TNFAIP8L3: variants seen among roughly 807,000 people sequenced by gnomAD.
The protein encoded by TNFAIP8L3 is TNF alpha induced protein 8 like 3.
A neutral mutation model predicts 11.8 loss-of-function variants in TNFAIP8L3; 7 were observed. The ratio of observed to expected loss-of-function variants is 0.59; its 90% confidence interval spans 0.34 to 1.11. TNFAIP8L3 has a LOEUF of 1.11. Ranked by LOEUF, TNFAIP8L3 falls within the 50% of genes most tolerant of loss-of-function variation. The pLI is 0.03. For missense variants in TNFAIP8L3, 219 were observed against 258.6 expected (o/e 0.85, Z 1.05); for synonymous variants, 98 against 103.8 (o/e 0.94, Z 0.34).
At chr15:51,079,886 A>C (rs1386485695) in intron 1 of TNFAIP8L3, among the ~76,000 whole-genome samples, 1 of 151,504 alleles carries the variant, frequency 6.6e-6, no homozygotes. Flanking sequence ...AAAAGAAAGA[A>C]AGAAAAAAAA....
intron 1 of TNFAIP8L3, among the ~76,000 whole-genome samples, chr15:51,077,705 G>A (rs1374556417): frequency 6.6e-6 from 1 of 152,206 alleles, no homozygotes; most frequent in African/African-American, 2.4e-5. Context: ...ACCCTTGTCT[G>A]CCCTCCCTTC....
At position 51,057,750 on chromosome 15, in the gene TNFAIP8L3, A is replaced by G. The variant is rs2065215342; in HGVS notation, c.*131T>C. On this transcript the variant is annotated 3_prime_UTR_variant, in exon 2 of 2. Coordinates refer to ENST00000637513, the MANE Select transcript of TNFAIP8L3 (RefSeq NM_001311175.2). ...AGCTCAGTTCAGCATCAGAATCAGC[A>G]TCAGAGGGATGAACAGGAAAGAACA... is the stretch of plus-strand genomic sequence containing the variant. 2 of 783,220 alleles carry G rather than the reference A, an allele frequency of 2.6e-6. No homozygotes were observed. Among genetic ancestry groups the G allele is most frequent in the Non-Finnish European group, 4.0e-6 (2 of 499,886 alleles). 48.5% of individuals were successfully genotyped at this position (783,220 alleles called of 1,614,324 possible). A position where few individuals can be genotyped will look rare whatever the true frequency, so the allele number is the denominator to read the frequency against.
Position 51,058,440 on chromosome 15 carries a change from G to C in TNFAIP8L3, c.56C>G (p.Pro19Arg), listed in dbSNP as rs761113349. The change falls in exon 2 of 2, where the codon CCT becomes CGT. Residue 19 changes from proline to arginine, a missense_variant. Transcript: ENST00000637513. ...SEGEPVTAAG[P>R]DVFSSKSLAL... ...AAGACTCTTTGAACTAAAAACATCAGGACCTATGGTAAAAAAAATATATAT... is the reference window on the plus strand; with the variant it reads ...AAGACTCTTTGAACTAAAAACATCACGACCTATGGTAAAAAAAATATATAT... The C allele has an allele frequency of 6.9e-7, 1 of 1,450,236 alleles. No individual in the cohort carries two copies. Among genetic ancestry groups the C allele is most frequent in the Non-Finnish European group, 9.0e-7 (1 of 1,115,224 alleles). 89.8% of individuals were successfully genotyped at this position (1,450,236 alleles called of 1,614,324 possible). A position where few individuals can be genotyped will look rare whatever the true frequency, so the allele number is the denominator to read the frequency against.
In TNFAIP8L3 at chr15:51,086,279, G is replaced by A. The variant is rs1017127870; in HGVS notation, c.52+8265C>T. On this transcript the variant is annotated intron_variant, in intron 1 of 1. Coordinates refer to ENST00000637513, the MANE Select transcript of TNFAIP8L3 (RefSeq NM_001311175.2). Reference sequence around the variant, plus strand: ...GCCCACGGCTGGAGCGTCCTTCTAGGGCCTTCTGCCTAGCAGTGGCTTTGT... The same window carrying A: ...GCCCACGGCTGGAGCGTCCTTCTAGAGCCTTCTGCCTAGCAGTGGCTTTGT... Among the ~76,000 whole-genome samples, 8 of 152,154 alleles carry A rather than the reference G, an allele frequency of 5.3e-5. No individual in the cohort carries two copies. In the South Asian group the frequency reaches 6.2e-4, roughly 12 times the overall value.
chr15:51,103,979 G>A (rs548067932), intron 1 of TNFAIP8L3, among the ~76,000 whole-genome samples: 7 of 152,256 alleles, frequency 4.6e-5, no homozygotes, highest in Admixed American at 2.6e-4. Flanking sequence ...ACTTCCCAAC[G>A]TGCTCTCCTC....
upstream of TNFAIP8L3, among the ~76,000 whole-genome samples, chr15:51,097,688 T>C (rs1478976004): frequency 6.6e-6 from 1 of 152,222 alleles, no homozygotes; most frequent in East Asian, 1.9e-4. Context: ...GTGAGTTTAA[T>C]GAGGAACATT....
intron 1 of TNFAIP8L3, among the ~76,000 whole-genome samples, chr15:51,085,013 A>T (rs1222780462): frequency 6.6e-6 from 1 of 152,180 alleles, no homozygotes; most frequent in Non-Finnish European, 1.5e-5. Flanking sequence ...AACAAAGAAA[A>T]ATAGAGTCAC....
intron 1 of TNFAIP8L3, among the ~76,000 whole-genome samples, chr15:51,065,226 C>T (rs767881107): frequency 1.3e-5 from 2 of 152,162 alleles, no homozygotes; most frequent in Admixed American, 6.5e-5. Context: ...AAGGACCCTT[C>T]GATCATTTAC....
At chr15:51,100,230 G>A (rs894029035) in intron 1 of TNFAIP8L3, among the ~76,000 whole-genome samples, 4 of 152,194 alleles carry the variant, frequency 2.6e-5, no homozygotes, top group Non-Finnish European at 5.9e-5. Context: ...TTTAAGTTTT[G>A]AGGAGGTCTT....
chr15:51,100,842 G>C (rs1231889637), intron 1 of TNFAIP8L3, among the ~76,000 whole-genome samples: 1 of 152,152 alleles, frequency 6.6e-6, no homozygotes, highest in Non-Finnish European at 1.5e-5. Context: ...GGCTGATGTG[G>C]GACTAATGGA....
In TNFAIP8L3 at chr15:51,084,197, T is replaced by C. The variant is rs182136509; in HGVS notation, c.52+10347A>G. The stretch of plus-strand genomic sequence containing the variant: ...AGATGTATAGGGGTGTGTGTGTGTG[T>C]GTGTGTATGCACATTTATGTATATA... On this transcript the variant is annotated intron_variant, in intron 1 of 1. Coordinates refer to ENST00000637513, the MANE Select transcript of TNFAIP8L3 (RefSeq NM_001311175.2). 1.3e-3 allele frequency among the ~76,000 whole-genome samples: 204 copies of C among 152,222 alleles called. 1 individual carries two copies. The highest frequency in any genetic ancestry group is 4.9e-3 in the African/African-American group (202 of 41,530).
In TNFAIP8L3 at chr15:51,057,805, T is replaced by C. The variant is rs774734590; in HGVS notation, c.*76A>G. The C allele has an allele frequency of 2.8e-4, 352 of 1,279,162 alleles. No homozygotes were observed. Among genetic ancestry groups the C allele is most frequent in the Admixed American group, 1.2e-3 (50 of 42,012 alleles). 79.2% of individuals were successfully genotyped at this position (1,279,162 alleles called of 1,614,324 possible). A position where few individuals can be genotyped will look rare whatever the true frequency, so the allele number is the denominator to read the frequency against. On this transcript the variant is annotated 3_prime_UTR_variant, in exon 2 of 2. Transcript: ENST00000637513. ...CATCTTTGACAAGGGTTTCTGCTTATGTTCTTGATTCTCACCCAGATCATG... is the reference window on the plus strand; with the variant it reads ...CATCTTTGACAAGGGTTTCTGCTTACGTTCTTGATTCTCACCCAGATCATG...
At chr15:51,092,719 C>T (rs992980537) in intron 1 of TNFAIP8L3, among the ~76,000 whole-genome samples, 1 of 152,110 alleles carries the variant, frequency 6.6e-6, no homozygotes, top group East Asian at 1.9e-4. Flanking sequence ...ACAAACTGAC[C>T]GTGAATACAA....
At position 51,094,550 on chromosome 15, in the gene TNFAIP8L3, C is replaced by G; in HGVS notation, c.46G>C (p.Ala16Pro). 2 of 1,502,234 alleles carry G rather than the reference C, an allele frequency of 1.3e-6. No homozygotes were observed. The highest frequency in any genetic ancestry group is 2.9e-5 in the East Asian group (1 of 34,978). The allele number at this position is 1,502,234 out of a possible 1,614,324, so 93.1% of individuals were successfully genotyped here. A position where few individuals can be genotyped will look rare whatever the true frequency, so the allele number is the denominator to read the frequency against. ...GEQSEGEPVTAAGPDVFSSKS... is the reference protein window; with the variant it reads ...GEQSEGEPVTPAGPDVFSSKS... ...CGTCGCGGCCCCTAGGTACCTGCGG[C>G]GGTCACGGGCTCGCCCTCGCTCTGC... is the stretch of plus-strand genomic sequence containing the variant. The change falls in exon 1 of 2, where the codon GCC (alanine) becomes CCC (proline). Residue 16 changes from alanine (A) to proline (P), a missense_variant. Coordinates refer to ENST00000637513, the MANE Select transcript of TNFAIP8L3 (RefSeq NM_001311175.2). This position sits in a 1 kb window ranked among gnomAD's most constrained non-coding sequence, Gnocchi z 4.4.
chr15:51,093,381 G>A (rs2065486722), intron 1 of TNFAIP8L3, among the ~76,000 whole-genome samples: 1 of 152,204 alleles, frequency 6.6e-6, no homozygotes, highest in Non-Finnish European at 1.5e-5. Flanking sequence ...TTTACTCTAT[G>A]GGAATCTCTG....
In TNFAIP8L3 at chr15:51,058,091, G is replaced by A. The variant is rs760640769; in HGVS notation, c.405C>T (p.Ser135=). ...VEYTFDRNVL[S]NLLHECKDLV... is the part of the protein sequence containing the mutation. ...GGTCCTTGCACTCATGCAGGAGATT[G>A]GAGAGCACGTTCCTATCGAAGGTGT... The change falls in exon 2 of 2, where the codon TCC becomes TCT. Residue 135 remains serine (S), a synonymous_variant. Coordinates refer to ENST00000637513, the MANE Select transcript of TNFAIP8L3 (RefSeq NM_001311175.2). The A allele has an allele frequency of 6.2e-7, 1 of 1,614,104 alleles. No individual in the cohort carries two copies. The highest frequency in any genetic ancestry group is 1.3e-5 in the African/African-American group (1 of 75,064).
intron 1 of TNFAIP8L3, among the ~76,000 whole-genome samples, chr15:51,090,829 A>C (rs2065462737): frequency 6.6e-6 from 1 of 152,174 alleles, no homozygotes. Flanking sequence ...ACCCAGGCAC[A>C]AGGGCACCAT....
chr15:51,097,374 A>G (rs189296996), upstream of TNFAIP8L3, among the ~76,000 whole-genome samples: 3 of 152,350 alleles, frequency 2.0e-5, no homozygotes, highest in East Asian at 5.8e-4. Flanking sequence ...AGTATCTAGC[A>G]CATTTTGACC....
At chr15:51,074,296 C>G (rs1307584932) in intron 1 of TNFAIP8L3, among the ~76,000 whole-genome samples, 2 of 152,222 alleles carry the variant, frequency 1.3e-5, no homozygotes, top group East Asian at 3.8e-4. Flanking sequence ...GGATATCTTT[C>G]CATGACAACA....
Sources: allele counts gnomAD v4.1 joint callset (sites outside exome capture counted in the v4.1 genomes callset), GRCh38; gene constraint gnomAD v4.1.1; non-coding constraint Gnocchi (gnomAD v3.1); transcripts MANE v1.5; gene names NCBI Gene and HGNC (gene_info 2026-07-23, HGNC 2026-07-21).